PPARA: variants seen among roughly 807,000 people sequenced by gnomAD.
PPARA encodes the protein peroxisome proliferator activated receptor alpha, also known as peroxisome proliferator-activated receptor alpha.
PPARA carries 22 observed loss-of-function variants against 42.2 expected under a neutral mutation model. The ratio of observed to expected loss-of-function variants is 0.52; its 90% CI spans 0.37 to 0.74. PPARA has a LOEUF of 0.74. Among genes scored for constraint, PPARA ranks in the 30% least tolerant of loss-of-function variants. PPARA has a pLI of 0.00. For missense variants in PPARA, 465 were observed against 608.2 expected (o/e 0.76, Z 2.48); for synonymous variants, 242 against 239.3 (o/e 1.01, Z -0.10).
rs1287099124 is a variant in PPARA, at chr22:46,221,422, A to C, written c.711+1408A>C. The stretch of plus-strand genomic sequence containing the variant: ...TGTGCTCTTGGTCCTTTCTCCTAAA[A>C]CTACTCCCTCCCTCTCAGACAAACA... On this transcript the variant is annotated intron_variant, in intron 7 of 8. Transcript: ENST00000407236. The surrounding 1 kb of genome is among the most constrained non-coding windows in gnomAD (Gnocchi z 5.9). Among the ~76,000 whole-genome samples, 1 of 152,114 alleles carries C rather than the reference A, an allele frequency of 6.6e-6. No individual in the cohort carries two copies. Among genetic ancestry groups the C allele is most frequent in the African/African-American group, 2.4e-5 (1 of 41,416 alleles).
At chr22:46,205,637 G>A (rs1601743145) in intron 4 of PPARA, among the ~76,000 whole-genome samples, 1 of 125,116 alleles carries the variant, frequency 8.0e-6, no homozygotes, top group Non-Finnish European at 1.6e-5. Context: ...TGCAATCTTA[G>A]CTCACTGCAA....
Position 46,190,503 on chromosome 22 carries a change from CCAA to C in PPARA, c.-42-7836_-42-7834del, listed in dbSNP as rs1931395760. ...GGTATGATGGCTCACACCAGTAATC[CCAA>C]CACTTAGAGGCCAAGCCGCGTGGAT... On this transcript the variant is annotated intron_variant, in intron 3 of 8. Transcript: ENST00000407236. The surrounding 1 kb of genome is among the most constrained non-coding windows in gnomAD (Gnocchi z 5.6). Among the ~76,000 whole-genome samples, 1 of 152,104 alleles carries C rather than the reference CCAA, an allele frequency of 6.6e-6. No individual in the cohort carries two copies. The highest frequency in any genetic ancestry group is 6.6e-5 in the Admixed American group (1 of 15,266).
At chr22:46,179,468 G>A (rs1175776715) in intron 3 of PPARA, among the ~76,000 whole-genome samples, 2 of 152,074 alleles carry the variant, frequency 1.3e-5, no homozygotes, top group Admixed American at 6.6e-5. Context: ...GTAGAGAAAG[G>A]ACAGTCTTTT....
At position 46,215,280 on chromosome 22, in the gene PPARA, G is replaced by A. The variant is rs749814012; in HGVS notation, c.316G>A (p.Gly106Arg). The change falls in exon 5 of 9, where the codon GGG becomes AGG. Residue 106 changes from glycine (G) to arginine (R), a missense_variant. Gly to Arg is a moderately radical substitution (Grantham distance 125). This residue lies in a region of PPARA where 152 missense variants were observed against 139.1 expected (regional missense o/e 1.09). Coordinates refer to ENST00000407236, the MANE Select transcript of PPARA (RefSeq NM_005036.6). ...ATTGAACATCGAATGTAGAATCTGC[G>A]GGGACAAGGCCTCAGGCTATCATTA... is the stretch of plus-strand genomic sequence containing the variant. Reference protein sequence around the residue: ...GALNIECRICGDKASGYHYGV... With the variant: ...GALNIECRICRDKASGYHYGV... 2.1e-5 allele frequency: 34 copies of A among 1,614,036 alleles called. No homozygotes were observed. The Middle Eastern group carries it at 4.9e-4, about 23-fold the overall frequency.
chr22:46,229,332 T>C (rs2147676746), intron 7 of PPARA, among the ~76,000 whole-genome samples: 1 of 152,066 alleles, frequency 6.6e-6, no homozygotes, highest in East Asian at 1.9e-4. Context: ...GGTGGACAGA[T>C]TGCCTGAGCT....
intron 3 of PPARA, among the ~76,000 whole-genome samples, chr22:46,186,717 AAAAT>A (rs1569208544): frequency 6.6e-6 from 1 of 152,138 alleles, no homozygotes; most frequent in African/African-American, 2.4e-5. Context: ...TGTCTCAAAA[AAAAT>A]AAATAAATAA....
chr22:46,221,078 C>G lies in PPARA; in HGVS notation c.711+1064C>G, dbSNP rs994723251. ...GTGGCCCACAAGGCTGTACAGGAAG[C>G]TTCTGCTTCTGGGGAGGCCTCAGGG... On this transcript the variant is annotated intron_variant, in intron 7 of 8. Coordinates refer to ENST00000407236, the MANE Select transcript of PPARA (RefSeq NM_005036.6). This position sits in a 1 kb window ranked among gnomAD's most constrained non-coding sequence, Gnocchi z 5.9. 6.6e-6 allele frequency among the ~76,000 whole-genome samples: 1 copy of G among 152,128 alleles called. No homozygotes were observed. Among genetic ancestry groups the G allele is most frequent in the African/African-American group, 2.4e-5 (1 of 41,408 alleles).
rs898690453 is a variant in PPARA at position 46,195,611 on chromosome 22, C to T, written c.-42-2731C>T. Among the ~76,000 whole-genome samples the T allele has an allele frequency of 2.5e-4, 38 of 152,206 alleles. No homozygotes were observed. Among genetic ancestry groups the T allele is most frequent in the African/African-American group, 9.2e-4 (38 of 41,456 alleles). ...ATTGGTAGAAGAAGCCAAAACATCCCTTCCTCACCGCACTAAAAGCTGTTG... is the reference window on the plus strand; with the variant it reads ...ATTGGTAGAAGAAGCCAAAACATCCTTTCCTCACCGCACTAAAAGCTGTTG... On this transcript the variant is annotated intron_variant, in intron 3 of 8. Transcript: ENST00000407236. The surrounding 1 kb of genome is among the most constrained non-coding windows in gnomAD (Gnocchi z 4.6).
chr22:46,163,476 G>A lies in PPARA; in HGVS notation c.-127+11506G>A, dbSNP rs1455251620. ...GATAGTTCTAGCCTGAAAAGCAAAT[G>A]AGCCCTCATGCTCACGATTTCACCA... On this transcript the variant is annotated intron_variant, in intron 2 of 8. Coordinates refer to ENST00000407236, the MANE Select transcript of PPARA (RefSeq NM_005036.6). The surrounding 1 kb of genome is among the most constrained non-coding windows in gnomAD (Gnocchi z 4.9). The A allele has an allele frequency of 6.6e-6, 1 of 152,222 alleles. No individual in the cohort carries two copies. Among genetic ancestry groups the A allele is most frequent in the African/African-American group, 2.4e-5 (1 of 41,456 alleles). 9.4% of individuals were successfully genotyped at this position (152,222 alleles called of 1,614,324 possible).
rs74353332 is a variant in PPARA at position 46,202,235 on chromosome 22, C to A, written c.208+3644C>A. On this transcript the variant is annotated intron_variant, in intron 4 of 8. Transcript: ENST00000407236. ...CCCCTGGTCCTCATGCAGGAGGGAA[C>A]CCTGCTCTTCTAGGGTCCTTTTCTA... Among the ~76,000 whole-genome samples, 996 of 152,272 alleles carry A rather than the reference C, an allele frequency of 6.5e-3. 12 individuals are homozygous for A. The highest frequency in any genetic ancestry group is 0.02 in the African/African-American group (847 of 41,554).
In PPARA at chr22:46,190,003, C is replaced by T. The variant is rs549533762; in HGVS notation, c.-42-8339C>T. 2.0e-5 allele frequency among the ~76,000 whole-genome samples: 3 copies of T among 152,300 alleles called. No individual in the cohort carries two copies. Among genetic ancestry groups the T allele is most frequent in the Non-Finnish European group, 4.4e-5 (3 of 68,040 alleles). On this transcript the variant is annotated intron_variant, in intron 3 of 8. Transcript: ENST00000407236. This position sits in a 1 kb window ranked among gnomAD's most constrained non-coding sequence, Gnocchi z 5.6. ...TACAGGCATGAGCGACTGCGCCCAG[C>T]CGTGTTCATCTATTTCTGTGAACCG...
rs1282169658 is a variant in PPARA, at chr22:46,171,859, G to C, written c.-126-4894G>C. Among the ~76,000 whole-genome samples, 2 of 152,190 alleles carry C rather than the reference G, an allele frequency of 1.3e-5. No homozygotes were observed. The highest frequency in any genetic ancestry group is 4.8e-5 in the African/African-American group (2 of 41,446). ...ACCAGCGAGGGCTTCTTAGGGGACT[G>C]GATATGCTCTGATCTAGCTGCTAAA... On this transcript the variant is annotated intron_variant, in intron 2 of 8. Coordinates refer to ENST00000407236, the MANE Select transcript of PPARA (RefSeq NM_005036.6). The surrounding 1 kb of genome is among the most constrained non-coding windows in gnomAD (Gnocchi z 5.0).
chr22:46,190,802 T>G lies in PPARA; in HGVS notation c.-42-7540T>G, dbSNP rs1018071401. 6.6e-6 allele frequency among the ~76,000 whole-genome samples: 1 copy of G among 152,070 alleles called. No individual in the cohort carries two copies. Among genetic ancestry groups the G allele is most frequent in the African/African-American group, 2.4e-5 (1 of 41,424 alleles). ...ATTCAAGCTCAATTCCATTTGTTGG[T>G]TGTCTTGAGTGTCTGATCACATAGA... On this transcript the variant is annotated intron_variant, in intron 3 of 8. Coordinates refer to ENST00000407236, the MANE Select transcript of PPARA (RefSeq NM_005036.6). The surrounding 1 kb of genome is among the most constrained non-coding windows in gnomAD (Gnocchi z 5.6).
At chr22:46,181,290 G>C (rs1487940726) in intron 3 of PPARA, among the ~76,000 whole-genome samples, 2 of 152,148 alleles carry the variant, frequency 1.3e-5, no homozygotes, top group African/African-American at 4.8e-5. Flanking sequence ...AGATCTCTTA[G>C]CACGGACTGT....
chr22:46,151,260 C>T (rs1054451499), intron 1 of PPARA: 1 of 152,270 alleles, frequency 6.6e-6, no homozygotes, highest in African/African-American at 2.4e-5. Context: ...GAACGGTTCC[C>T]ACTTTGTGCC....
chr22:46,228,584 C>T (rs1935638286), intron 7 of PPARA, among the ~76,000 whole-genome samples: 1 of 152,092 alleles, frequency 6.6e-6, no homozygotes, highest in Admixed American at 6.6e-5. Context: ...GCTCTGGGTC[C>T]TGTAAATTAC....
chr22:46,220,457 G>C (rs1934911099), intron 7 of PPARA: 1 of 252,796 alleles, frequency 4.0e-6, no homozygotes, highest in Admixed American at 5.1e-5. Context: ...TGGGACTACA[G>C]GTGTGCACCA....
chr22:46,210,724 A>G (rs7364297), intron 4 of PPARA, among the ~76,000 whole-genome samples: 15,267 of 152,182 alleles, frequency 0.1, 2,420 homozygotes, highest in African/African-American at 0.34. Flanking sequence ...GATTACAGGC[A>G]TGAGCCACCG....
rs1185844677 is a variant in PPARA at position 46,219,363 on chromosome 22, T to G, written c.509-449T>G. 6.6e-6 allele frequency among the ~76,000 whole-genome samples: 1 copy of G among 152,222 alleles called. No individual in the cohort carries two copies. The highest frequency in any genetic ancestry group is 1.5e-5 in the Non-Finnish European group (1 of 68,028). On this transcript the variant is annotated intron_variant, in intron 6 of 8. Transcript: ENST00000407236. The surrounding 1 kb of genome is among the most constrained non-coding windows in gnomAD (Gnocchi z 4.8). ...TCTCACCACGTTATGAATTTCCTTC[T>G]AGCCAATCATTTAATAGTTTCAGAA...
Sources: gnomAD v4.1 joint callset for allele counts (sites outside exome capture counted in the v4.1 genomes callset) on GRCh38, gnomAD v4.1.1 for gene constraint, gnomAD v4.1.1 regional missense constraint, Gnocchi (gnomAD v3.1) non-coding constraint, MANE v1.5 for transcripts, NCBI Gene and HGNC (gene_info 2026-07-23, HGNC 2026-07-21) for gene names.